Variants in ZFAND3 observed in about 807,000 individuals in gnomAD.
ZFAND3 encodes the protein zinc finger AN1-type containing 3.
In ZFAND3, 10 loss-of-function variants were observed where a neutral mutation model predicts 29.6. The ratio of observed to expected loss-of-function variants is 0.34; its 90% CI spans 0.21 to 0.57. ZFAND3 has a LOEUF of 0.57. ZFAND3 is among the 20% of genes least tolerant of loss of function. The pLI, the probability that ZFAND3 is intolerant of heterozygous loss-of-function variation, is 0.86. For synonymous variants in ZFAND3, 128 were observed against 112.6 expected (o/e 1.14, Z -0.87); for missense variants, 230 against 304.5 (o/e 0.76, Z 1.82).
At chr6:37,902,737 CTTTTTTTTTTT>C (rs11448512) in intron 1 of ZFAND3, among the ~76,000 whole-genome samples, 4 of 100,450 alleles carry the variant, frequency 4.0e-5, no homozygotes, top group Admixed American at 1.2e-4. Context: ...CTTTTACTTA[CTTTTTTTTTTT>C]TTTTTTTTTT....
intron 2 of ZFAND3, among the ~76,000 whole-genome samples, chr6:37,996,759 G>T (rs537729706): frequency 6.6e-6 from 1 of 151,764 alleles, no homozygotes; most frequent in South Asian, 2.1e-4. Context: ...GCATATTTTT[G>T]CAGTGTATAA....
intron 5 of ZFAND3, among the ~76,000 whole-genome samples, chr6:38,128,037 C>T (rs1765669363): frequency 6.6e-6 from 1 of 152,216 alleles, no homozygotes; most frequent in South Asian, 2.1e-4. Flanking sequence ...GCCTCTAAAA[C>T]CTTGCCCAGG....
chr6:37,946,881 G>A (rs1448095394), intron 2 of ZFAND3, among the ~76,000 whole-genome samples: 3 of 152,126 alleles, frequency 2.0e-5, no homozygotes. Flanking sequence ...TAGAGGGTGG[G>A]GGAACTGGAG....
At chr6:38,026,524 G>A (rs1763453197) in intron 2 of ZFAND3, among the ~76,000 whole-genome samples, 2 of 143,856 alleles carry the variant, frequency 1.4e-5, no homozygotes, top group South Asian at 4.5e-4. Flanking sequence ...TCTGCCTCCA[G>A]GTTCAAGTGA....
At chr6:37,962,004 A>T (rs545284024) in intron 2 of ZFAND3, among the ~76,000 whole-genome samples, 16 of 152,318 alleles carry the variant, frequency 1.1e-4, no homozygotes, top group African/African-American at 3.8e-4. Flanking sequence ...GATCTTACCA[A>T]ATCAACTAAA....
chr6:38,011,472 GT>G (rs1763152147), intron 2 of ZFAND3, among the ~76,000 whole-genome samples: 1 of 152,150 alleles, frequency 6.6e-6, no homozygotes, highest in Non-Finnish European at 1.5e-5. Context: ...AACACCTGGT[GT>G]TGTCAGTCTT....
chr6:37,864,950 C>T (rs1303333384), intron 1 of ZFAND3, among the ~76,000 whole-genome samples: 13 of 152,208 alleles, frequency 8.5e-5, no homozygotes, highest in East Asian at 1.9e-4. Context: ...GAGGCCAAGG[C>T]GGGCAGATCA....
In ZFAND3 at chr6:37,988,936, G is replaced by C. The variant is rs574746462; in HGVS notation, c.112+58937G>C. The stretch of plus-strand genomic sequence containing the variant: ...TTTTTTTTTTTTGAGACAGAGTCTT[G>C]CTCTGTCACCCAGGCTGGAGTGCAG... On this transcript the variant is annotated intron_variant, in intron 2 of 5. Coordinates refer to ENST00000287218, the MANE Select transcript of ZFAND3 (RefSeq NM_021943.3). Among the ~76,000 whole-genome samples the C allele has an allele frequency of 4.0e-5, 6 of 151,126 alleles. No homozygotes were observed. In the South Asian group the frequency reaches 1.1e-3, roughly 26 times the overall value.
chr6:37,820,898 A>G (rs1197355583), intron 1 of ZFAND3, among the ~76,000 whole-genome samples: 1 of 152,208 alleles, frequency 6.6e-6, no homozygotes, highest in Admixed American at 6.5e-5. Context: ...TAACACTTTA[A>G]GCTTCATGGA....
At chr6:38,120,618 G>A (rs1443820029) in intron 5 of ZFAND3, among the ~76,000 whole-genome samples, 3 of 152,038 alleles carry the variant, frequency 2.0e-5, no homozygotes, top group Non-Finnish European at 2.9e-5. Flanking sequence ...GATCCACCAC[G>A]CCCGGCCTTC....
intron 2 of ZFAND3, among the ~76,000 whole-genome samples, chr6:37,937,667 AAAAAAAG>A (rs1761725101): frequency 6.6e-6 from 1 of 151,318 alleles, no homozygotes; most frequent in Non-Finnish European, 1.5e-5. Context: ...AAAAAAAAAA[AAAAAAAG>A]GCAAAAAAAG....
At chr6:38,014,669 G>C (rs973036500) in intron 2 of ZFAND3, among the ~76,000 whole-genome samples, 1 of 152,198 alleles carries the variant, frequency 6.6e-6, no homozygotes, top group Non-Finnish European at 1.5e-5. Context: ...GGAGTGCACA[G>C]AGTATATCTG....
chr6:37,874,113 A>G (rs1188624187), intron 1 of ZFAND3, among the ~76,000 whole-genome samples: 1 of 152,192 alleles, frequency 6.6e-6, no homozygotes. Flanking sequence ...CTCTTCAGGC[A>G]GTGAAGGAAG....
At chr6:37,895,497 GACTTA>G (rs1765186492) in intron 1 of ZFAND3, among the ~76,000 whole-genome samples, 2 of 109,772 alleles carry the variant, frequency 1.8e-5, no homozygotes, top group Non-Finnish European at 3.7e-5. Flanking sequence ...TATATGTCTA[GACTTA>G]ACTTTTTGAA....
intron 2 of ZFAND3, among the ~76,000 whole-genome samples, chr6:37,943,645 A>G (rs1350200635): frequency 6.6e-6 from 1 of 152,212 alleles, no homozygotes; most frequent in Non-Finnish European, 1.5e-5. Context: ...CTCAGTGTGC[A>G]TCATAAGTAT....
At chr6:37,922,415 G>A (rs1013666689) in intron 1 of ZFAND3, among the ~76,000 whole-genome samples, 3 of 152,112 alleles carry the variant, frequency 2.0e-5, no homozygotes, top group South Asian at 2.1e-4. Context: ...TATTTAAGGC[G>A]TGATAAATAT....
At chr6:38,121,785 C>T (rs1765539559) in intron 5 of ZFAND3, among the ~76,000 whole-genome samples, 1 of 152,084 alleles carries the variant, frequency 6.6e-6, no homozygotes, top group Non-Finnish European at 1.5e-5. Flanking sequence ...TTTGATATAC[C>T]CACCTAGTCA....
intron 1 of ZFAND3, among the ~76,000 whole-genome samples, chr6:37,878,350 C>G (rs1043701439): frequency 2.6e-5 from 4 of 152,198 alleles, no homozygotes; most frequent in African/African-American, 9.6e-5. Context: ...TGAGTTTGGA[C>G]AGACAGAGGC....
intron 5 of ZFAND3, among the ~76,000 whole-genome samples, chr6:38,150,218 A>G (rs955782584): frequency 2.0e-5 from 3 of 152,210 alleles, no homozygotes; most frequent in African/African-American, 7.2e-5. Flanking sequence ...CATTAATCTT[A>G]ACTTTGCTTT....
Sources: allele counts gnomAD v4.1 joint callset (sites outside exome capture counted in the v4.1 genomes callset), GRCh38; gene constraint gnomAD v4.1.1; transcripts MANE v1.5; gene names NCBI Gene and HGNC (gene_info 2026-07-23, HGNC 2026-07-21).